The following FGF13 variants were observed in gnomAD, a reference collection of about 807,000 sequenced individuals.
FGF13 encodes fibroblast growth factor homologous factor 2.
A neutral mutation model predicts 19.5 loss-of-function variants in FGF13; 2 were observed. The observed-to-expected ratio is 0.10, with a 90% CI of 0.04 to 0.32. The LOEUF (loss-of-function observed/expected upper bound fraction) is 0.32. Among genes scored for constraint, FGF13 ranks in the 10% least tolerant of loss-of-function variants. FGF13 has a pLI of 1.00. For synonymous variants in FGF13, 72 were observed against 76.9 expected (o/e 0.94, Z 0.33); for missense variants, 113 against 192.7 (o/e 0.59, Z 2.45).
At chrX:138,809,435 A>G (rs1180989704) in intron 3 of FGF13, among the ~76,000 whole-genome samples, 1 of 111,637 alleles carries the variant, frequency 9.0e-6, no homozygotes, top group African/African-American at 3.3e-5. Flanking sequence ...AGGTATTGAT[A>G]GAACATATCT....
chrX:139,183,438 T>G (rs964970484), intron 1 of FGF13, among the ~76,000 whole-genome samples: 4 of 111,897 alleles, frequency 3.6e-5, no homozygotes, highest in Non-Finnish European at 1.9e-5. Context: ...GAGGGCCTAG[T>G]GGGAGGTGTT....
intron 1 of FGF13, among the ~76,000 whole-genome samples, chrX:138,918,999 T>C (rs2091631542): frequency 9.0e-6 from 1 of 111,629 alleles, no homozygotes; most frequent in Non-Finnish European, 1.9e-5. Context: ...TAATACTGTG[T>C]ATCAATTAAG....
intron 1 of FGF13, among the ~76,000 whole-genome samples, chrX:138,873,221 C>A (rs1192937148): frequency 9.0e-6 from 1 of 110,656 alleles, no homozygotes; most frequent in Non-Finnish European, 1.9e-5. Context: ...AGGAGACCTG[C>A]ACTATAAGGC....
intron 3 of FGF13, among the ~76,000 whole-genome samples, chrX:138,820,725 C>T (rs188095669): frequency 5.4e-4 from 60 of 111,778 alleles, no homozygotes; most frequent in African/African-American, 1.9e-3. Flanking sequence ...TTACCACTGT[C>T]TGATAGAAGG....
chrX:139,204,811 T>C (rs1172346778), upstream of FGF13: 1 of 110,485 alleles, frequency 9.1e-6, no homozygotes, highest in East Asian at 2.9e-4. Flanking sequence ...GAGGAGAGGG[T>C]CGCCTCTTTT....
intron 1 of FGF13, among the ~76,000 whole-genome samples, chrX:138,884,686 A>G (rs760515106): frequency 7.3e-4 from 82 of 112,223 alleles, no homozygotes; most frequent in African/African-American, 2.5e-3. Context: ...AGTGACATAA[A>G]GCACTAGGGT....
At chrX:138,749,457 T>A (rs1399779561) in intron 3 of FGF13, among the ~76,000 whole-genome samples, 1 of 110,865 alleles carries the variant, frequency 9.0e-6, no homozygotes, top group African/African-American at 3.3e-5. Context: ...CGGGTACCCA[T>A]GCCTACCTAC....
At chrX:139,172,125 A>G (rs749400039) in intron 1 of FGF13, among the ~76,000 whole-genome samples, 1 of 112,101 alleles carries the variant, frequency 8.9e-6, no homozygotes, top group East Asian at 2.8e-4. Context: ...ATGACTCTAT[A>G]TTTCTACTTT....
Position 138,632,894 on chromosome X carries a change from C to T in FGF13, c.694G>A (p.Val232Met), listed in dbSNP as rs201229168. The T allele has an allele frequency of 4.1e-6, 5 of 1,208,393 alleles. No homozygotes were observed. The highest frequency in any genetic ancestry group is 1.8e-5 in the South Asian group (1 of 56,609). Reference sequence around the variant, plus strand: ...CTCATGGATTTGCCTCCGTTCAGCACGCCAGAGACACTTCTGCTCTTGGTT... The same window carrying T: ...CTCATGGATTTGCCTCCGTTCAGCATGCCAGAGACACTTCTGCTCTTGGTT... ...TPTKSRSVSG[V>M]LNGGKSMSHN... Residue 232 changes from valine (V) to methionine (M), a missense_variant, in exon 5 of 5, where the codon GTG becomes ATG. By Grantham distance (21) the Val-to-Met change is conservative. This residue lies in a region of FGF13 where 43 missense variants were observed against 41.4 expected (regional missense o/e 1.04). Coordinates refer to ENST00000315930, the MANE Select transcript of FGF13 (RefSeq NM_004114.5).
intron 3 of FGF13, among the ~76,000 whole-genome samples, chrX:138,775,187 G>T (rs1460065306): frequency 8.9e-6 from 1 of 112,126 alleles, no homozygotes; most frequent in Non-Finnish European, 1.9e-5. Context: ...TTGAACTTCT[G>T]ACCTCAAGTG....
At chrX:138,778,231 T>C (rs1161916887) in intron 3 of FGF13, among the ~76,000 whole-genome samples, 2 of 108,651 alleles carry the variant, frequency 1.8e-5, no homozygotes, top group Non-Finnish European at 3.8e-5. Flanking sequence ...GTGCTTAACA[T>C]AATTATCAGA....
chrX:138,751,321 G>A (rs992270175), intron 3 of FGF13, among the ~76,000 whole-genome samples: 10 of 111,570 alleles, frequency 9.0e-5, no homozygotes, highest in African/African-American at 3.3e-4. Context: ...AATGAGAAAT[G>A]TGAGTCCCTG....
intron 1 of FGF13, among the ~76,000 whole-genome samples, chrX:138,959,203 G>C: frequency 8.9e-6 from 1 of 111,785 alleles, no homozygotes; most frequent in East Asian, 2.8e-4. Flanking sequence ...ATGTGTCCCA[G>C]AGATTCTGGC....
At chrX:138,790,417 T>A (rs2090733408) in intron 3 of FGF13, among the ~76,000 whole-genome samples, 1 of 110,919 alleles carries the variant, frequency 9.0e-6, no homozygotes, top group Non-Finnish European at 1.9e-5. Flanking sequence ...TCCATGGCAC[T>A]GGAGCAAACC....
At chrX:139,176,327 T>A (rs889352390) in intron 1 of FGF13, among the ~76,000 whole-genome samples, 3 of 110,344 alleles carry the variant, frequency 2.7e-5, no homozygotes, top group Non-Finnish European at 5.7e-5. Flanking sequence ...GGTCTATCTA[T>A]CTTGTTAATC....
chrX:138,799,942 C>T lies in FGF13; in HGVS notation c.217+57570G>A, dbSNP rs765756059. Reference sequence around the variant, plus strand: ...TTCCATTTGCTTGGTAATTATTCCTCCATCCCTTTATTTTGAGCCTGTTTC... The same window carrying T: ...TTCCATTTGCTTGGTAATTATTCCTTCATCCCTTTATTTTGAGCCTGTTTC... On this transcript the variant is annotated intron_variant, in intron 3 of 6. Transcript: ENST00000436198. 1.1e-4 allele frequency among the ~76,000 whole-genome samples: 12 copies of T among 111,527 alleles called. 2 individuals carry two copies. In the South Asian group the frequency reaches 4.5e-3, roughly 42 times the overall value.
intron 1 of FGF13, among the ~76,000 whole-genome samples, chrX:139,199,027 T>C (rs374466234): frequency 1.8e-5 from 2 of 112,586 alleles, no homozygotes; most frequent in East Asian, 5.6e-4. Context: ...ACATTTCAAG[T>C]TGATGAAAAC....
chrX:138,922,847 T>C (rs1251670874), intron 1 of FGF13, among the ~76,000 whole-genome samples: 1 of 112,285 alleles, frequency 8.9e-6, no homozygotes, highest in East Asian at 2.8e-4. Context: ...GCTTCATCTC[T>C]AGCCTGCATC....
At chrX:138,748,033 G>T (rs766969447) in intron 3 of FGF13, among the ~76,000 whole-genome samples, 1 of 111,129 alleles carries the variant, frequency 9.0e-6, no homozygotes, top group East Asian at 2.9e-4. Context: ...CAAGCCCAAA[G>T]GTTCTCTGGG....
Sources: gnomAD v4.1 joint callset for allele counts (sites outside exome capture counted in the v4.1 genomes callset) on GRCh38, gnomAD v4.1.1 for gene constraint, gnomAD v4.1.1 regional missense constraint, MANE v1.5 for transcripts, NCBI Gene and HGNC (gene_info 2026-07-23, HGNC 2026-07-21) for gene names.